Variants in MSI2 observed in about 807,000 individuals in gnomAD.
The protein encoded by MSI2 is RNA-binding protein Musashi homolog 2.
In MSI2, 17 loss-of-function variants were observed where a neutral mutation model predicts 45.6. That is an observed-to-expected ratio of 0.37 (90% CI 0.26 to 0.56). The LOEUF (loss-of-function observed/expected upper bound fraction) is 0.56, where lower values mean the gene tolerates loss of function less well. MSI2 is among the 20% of genes least tolerant of loss of function. The probability of loss-of-function intolerance (pLI) is 0.77; values close to 1 mark genes in which losing one functional copy is unlikely to be tolerated. For missense variants in MSI2, 293 were observed against 444.2 expected (o/e 0.66, Z 3.06); for synonymous variants, 156 against 158.2 (o/e 0.99, Z 0.11).
chr17:57,308,105 T>C (rs922491894), intron 5 of MSI2, among the ~76,000 whole-genome samples: 4 of 152,202 alleles, frequency 2.6e-5, no homozygotes, highest in Non-Finnish European at 4.4e-5. Context: ...GGCCCCACCA[T>C]TGATTAGCTG....
At chr17:57,636,569 C>T (rs1222174703) in intron 10 of MSI2, among the ~76,000 whole-genome samples, 2 of 152,222 alleles carry the variant, frequency 1.3e-5, no homozygotes, top group Non-Finnish European at 1.5e-5. Context: ...GTGTCCTGCT[C>T]TTTCTGGCCT....
intron 7 of MSI2, among the ~76,000 whole-genome samples, chr17:57,560,331 T>C (rs945950525): frequency 4.6e-5 from 7 of 151,958 alleles, no homozygotes; most frequent in African/African-American, 1.5e-4. Flanking sequence ...CCACTGAAAC[T>C]CCTGGGATGG....
chr17:57,694,182 C>T, the MSI2 span, among the ~76,000 whole-genome samples: 1 of 152,166 alleles, frequency 6.6e-6, no homozygotes, highest in Non-Finnish European at 1.5e-5. Flanking sequence ...ACAAAGTTTG[C>T]CCCTTGATGT....
intron 10 of MSI2, among the ~76,000 whole-genome samples, chr17:57,651,114 G>A (rs1010721198): frequency 6.6e-6 from 1 of 152,174 alleles, no homozygotes; most frequent in African/African-American, 2.4e-5. Context: ...ACGAGGCTGT[G>A]CGTGCACGTG....
At position 57,596,553 on chromosome 17, in the gene MSI2, G is replaced by A. The variant is rs1189510177; in HGVS notation, c.455-315G>A. Among the ~76,000 whole-genome samples the A allele has an allele frequency of 2.0e-5, 3 of 152,240 alleles. No individual in the cohort carries two copies. The highest frequency in any genetic ancestry group is 1.9e-4 in the East Asian group (1 of 5,194). On this transcript the variant is annotated intron_variant, in intron 7 of 13. Transcript: ENST00000284073. The surrounding 1 kb of genome is among the most constrained non-coding windows in gnomAD (Gnocchi z 4.6). ...CTGGTTAGCCCACCCGCCTGCTGCC[G>A]TGCACAGAGCCGCGGGGCTCTGACC... is the stretch of plus-strand genomic sequence containing the variant.
rs67130236 is a variant in MSI2 at position 57,333,034 on chromosome 17, GAA to G, written c.313-68336_313-68335del. ...AGCGAGACTCTGTGTCCAAAAAAAAGAAAAAAAAAAGAGTACGGATGCAAGAG... is the reference window on the plus strand; with the variant it reads ...AGCGAGACTCTGTGTCCAAAAAAAAGAAAAAAAAGAGTACGGATGCAAGAG... On this transcript the variant is annotated intron_variant, in intron 5 of 13. Transcript: ENST00000284073. 4.7e-4 allele frequency among the ~76,000 whole-genome samples: 70 copies of G among 147,780 alleles called. 3 individuals carry two copies. In the South Asian group the frequency reaches 5.4e-3, roughly 11 times the overall value.
intron 7 of MSI2, among the ~76,000 whole-genome samples, chr17:57,595,987 G>A (rs571458111): frequency 3.9e-5 from 6 of 152,290 alleles, no homozygotes; most frequent in African/African-American, 9.6e-5. Context: ...GTGCTCCCTC[G>A]CCATGTTAAC....
At chr17:57,455,713 A>G (rs2085101097) in intron 6 of MSI2, among the ~76,000 whole-genome samples, 1 of 151,968 alleles carries the variant, frequency 6.6e-6, no homozygotes, top group Non-Finnish European at 1.5e-5. Flanking sequence ...GAGCCGGGGA[A>G]CTGTAGTTTT....
At chr17:57,619,717 G>A (rs1388929167) in intron 9 of MSI2, among the ~76,000 whole-genome samples, 1 of 152,132 alleles carries the variant, frequency 6.6e-6, no homozygotes, top group African/African-American at 2.4e-5. Flanking sequence ...GTAGGAGACA[G>A]CACTGGTCCC....
intron 7 of MSI2, among the ~76,000 whole-genome samples, chr17:57,530,843 G>T (rs1187810636): frequency 2.6e-5 from 4 of 152,064 alleles, no homozygotes; most frequent in African/African-American, 7.2e-5. Context: ...GAAGGAGGGG[G>T]ATATCCTGAG....
At chr17:57,393,879 G>A (rs1773339024) in intron 5 of MSI2, among the ~76,000 whole-genome samples, 2 of 152,044 alleles carry the variant, frequency 1.3e-5, no homozygotes, top group Non-Finnish European at 2.9e-5. Flanking sequence ...ATGGGGTTTT[G>A]CCATGTTGGC....
chr17:57,293,606 T>TG (rs4048305), intron 5 of MSI2, among the ~76,000 whole-genome samples: 2 of 145,724 alleles, frequency 1.4e-5, no homozygotes, highest in African/African-American at 5.2e-5. Context: ...TTTTTTTTTT[T>TG]GTTTTTTTTT....
Position 57,561,179 on chromosome 17 carries a change from G to A in MSI2, c.454+31455G>A, listed in dbSNP as rs150927334. ...CCTCACAATCCAGAAGAAACCAAGCGAAGTGATGAAACCACAGCCCTGAGA... is the reference window on the plus strand; with the variant it reads ...CCTCACAATCCAGAAGAAACCAAGCAAAGTGATGAAACCACAGCCCTGAGA... On this transcript the variant is annotated intron_variant, in intron 7 of 13. Transcript: ENST00000284073. Among the ~76,000 whole-genome samples the A allele has an allele frequency of 6.2e-3, 946 of 152,292 alleles. 12 individuals carry two copies. Among genetic ancestry groups the A allele is most frequent in the African/African-American group, 0.022 (903 of 41,552 alleles).
At chr17:57,540,218 G>C (rs1242377515) in intron 7 of MSI2, among the ~76,000 whole-genome samples, 2 of 152,230 alleles carry the variant, frequency 1.3e-5, no homozygotes, top group African/African-American at 2.4e-5. Context: ...TGAAACATCT[G>C]ATGCTTGGAA....
intron 8 of MSI2, among the ~76,000 whole-genome samples, chr17:57,613,112 G>A (rs1007616373): frequency 2.3e-4 from 35 of 152,134 alleles, no homozygotes; most frequent in African/African-American, 8.2e-4. Flanking sequence ...AGCCCTATCA[G>A]TGACAGTCTA....
At chr17:57,658,710 T>C (rs577612512) in intron 11 of MSI2, among the ~76,000 whole-genome samples, 5 of 152,310 alleles carry the variant, frequency 3.3e-5, no homozygotes, top group African/African-American at 1.2e-4. Context: ...GGAATGTTAA[T>C]GGTCTTTCAA....
At chr17:57,544,094 T>G (rs920198244) in intron 7 of MSI2, among the ~76,000 whole-genome samples, 33 of 151,374 alleles carry the variant, frequency 2.2e-4, no homozygotes, top group South Asian at 2.1e-4. Flanking sequence ...TGCGTGTGAG[T>G]GTTGCTTGCA....
intron 5 of MSI2, among the ~76,000 whole-genome samples, chr17:57,282,489 TG>T (rs575583469): frequency 1.0e-3 from 155 of 152,082 alleles, no homozygotes; most frequent in South Asian, 2.1e-3. Flanking sequence ...GATAAAGAAG[TG>T]TGTGTGTGGC....
At chr17:57,387,822 G>T (rs1301361498) in intron 5 of MSI2, among the ~76,000 whole-genome samples, 1 of 152,228 alleles carries the variant, frequency 6.6e-6, no homozygotes, top group Non-Finnish European at 1.5e-5. Flanking sequence ...CACTAGTGGG[G>T]AAGGGAAGGT....
Sources: gnomAD v4.1 joint callset for allele counts (sites outside exome capture counted in the v4.1 genomes callset) on GRCh38, gnomAD v4.1.1 for gene constraint, Gnocchi (gnomAD v3.1) non-coding constraint, MANE v1.5 for transcripts, NCBI Gene and HGNC (gene_info 2026-07-23, HGNC 2026-07-21) for gene names.